The following METTL15 variants were observed in gnomAD, a reference collection of about 807,000 sequenced individuals.
METTL15 encodes the protein methyltransferase 15, mitochondrial 12S rRNA N4-cytidine.
METTL15 carries 34 observed loss-of-function variants against 38.3 expected under a neutral mutation model. The observed-to-expected ratio is 0.89, with a 90% CI of 0.68 to 1.18. The LOEUF (loss-of-function observed/expected upper bound fraction) is 1.18, where lower values mean the gene tolerates loss of function less well. Ranked by LOEUF, METTL15 falls within the 50% of genes most tolerant of loss-of-function variation. The pLI is 0.00. For synonymous variants in METTL15, 162 were observed against 170.9 expected, an observed-to-expected ratio of 0.95 and a Z score of 0.41; for missense variants, 438 against 498.4, an observed-to-expected ratio of 0.88 and a Z score of 1.15.
At chr11:28,513,496 T>C (rs887528470) in intron 6 of METTL15, among the ~76,000 whole-genome samples, 5 of 152,048 alleles carry the variant, frequency 3.3e-5, no homozygotes, top group Non-Finnish European at 5.9e-5. Context: ...CTGCATGAGG[T>C]GCCGAGACCA....
In METTL15 at chr11:28,113,486, A is replaced by C; in HGVS notation, c.152A>C (p.Gln51Pro). Residue 51 changes from glutamine (Q) to proline (P), a missense_variant, in exon 3 of 7, where the codon CAA (glutamine) becomes CCA (proline). Gln to Pro is a moderately conservative substitution (Grantham distance 76). Transcript: ENST00000407364. The part of the protein sequence containing the change: ...REYEAREQTD[Q>P]TQAQELHRSQ... ...TATGAAGCCCGGGAGCAAACAGATC[A>C]AACTCAAGCCCAGGAGTTACACAGA... 1 of 1,612,988 alleles carries C rather than the reference A, an allele frequency of 6.2e-7. No homozygotes were observed. Among genetic ancestry groups the C allele is most frequent in the Non-Finnish European group, 8.5e-7 (1 of 1,179,876 alleles).
At chr11:28,114,475 G>A (rs1310889884) in intron 3 of METTL15, among the ~76,000 whole-genome samples, 1 of 152,082 alleles carries the variant, frequency 6.6e-6, no homozygotes, top group Non-Finnish European at 1.5e-5. Flanking sequence ...TTTTGAAACA[G>A]AGTCTTGCTC....
At chr11:28,326,824 T>C (rs1317196384) in intron 6 of METTL15, among the ~76,000 whole-genome samples, 1 of 152,072 alleles carries the variant, frequency 6.6e-6, no homozygotes, top group African/African-American at 2.4e-5. Flanking sequence ...TTCACCATGT[T>C]GCCCAGGTTG....
At chr11:28,205,628 G>A (rs988539748) in intron 3 of METTL15, among the ~76,000 whole-genome samples, 1 of 151,968 alleles carries the variant, frequency 6.6e-6, no homozygotes, top group African/African-American at 2.4e-5. Context: ...ACCCAGTAAT[G>A]GGATTGCTGG....
chr11:28,531,344 T>G (rs979935419), downstream of METTL15, among the ~76,000 whole-genome samples: 2 of 152,026 alleles, frequency 1.3e-5, no homozygotes, highest in African/African-American at 2.4e-5. Context: ...ATAAAATCCT[T>G]GATAGCTCTA....
intron 3 of METTL15, among the ~76,000 whole-genome samples, chr11:28,140,118 G>A (rs895653480): frequency 2.0e-5 from 3 of 152,188 alleles, no homozygotes; most frequent in South Asian, 2.1e-4. Context: ...TGTTCCGAGC[G>A]TGTGCCTGTG....
chr11:28,335,952 C>G (rs2133349981), downstream of METTL15, among the ~76,000 whole-genome samples: 1 of 152,254 alleles, frequency 6.6e-6, no homozygotes, highest in Non-Finnish European at 1.5e-5. Context: ...TAGCACAGTT[C>G]TGGACGTATA....
At chr11:28,370,768 T>C (rs1421395310) in intron 5 of METTL15, among the ~76,000 whole-genome samples, 1 of 152,028 alleles carries the variant, frequency 6.6e-6, no homozygotes, top group East Asian at 1.9e-4. Context: ...TGAAATGAGA[T>C]GTAATTGTCA....
At chr11:28,446,690 G>A (rs1029333443) in intron 6 of METTL15, among the ~76,000 whole-genome samples, 1 of 152,030 alleles carries the variant, frequency 6.6e-6, no homozygotes, top group Non-Finnish European at 1.5e-5. Flanking sequence ...TGACTATCAA[G>A]GGGACATGTT....
At chr11:28,199,517 T>C (rs1267010736) in intron 3 of METTL15, among the ~76,000 whole-genome samples, 3 of 152,170 alleles carry the variant, frequency 2.0e-5, no homozygotes, top group Non-Finnish European at 4.4e-5. Context: ...TTAACGCTCT[T>C]AATTTTTTCT....
chr11:28,357,796 CG>C (rs780990783), intron 4 of METTL15, among the ~76,000 whole-genome samples: 16 of 152,006 alleles, frequency 1.1e-4, no homozygotes, highest in Non-Finnish European at 1.3e-4. Flanking sequence ...TCATTTCTTT[CG>C]GGATTGCCTT....
intron 3 of METTL15, among the ~76,000 whole-genome samples, chr11:28,351,812 A>C (rs983764376): frequency 4.6e-5 from 7 of 152,228 alleles, no homozygotes; most frequent in African/African-American, 7.2e-5. Flanking sequence ...TTAAAGAAAG[A>C]AAGCTCACAG....
chr11:28,273,981 G>C (rs958750297), intron 4 of METTL15, among the ~76,000 whole-genome samples: 36 of 152,072 alleles, frequency 2.4e-4, no homozygotes, highest in African/African-American at 8.7e-4. Context: ...TGCCTGGTTG[G>C]GGAGATTATT....
chr11:28,310,997 T>TGAGA (rs1224804563), intron 6 of METTL15, among the ~76,000 whole-genome samples: 1 of 145,890 alleles, frequency 6.9e-6, no homozygotes, highest in African/African-American at 2.6e-5. Context: ...TGTGTGTGTG[T>TGAGA]GTGTGTGAGA....
intron 6 of METTL15, among the ~76,000 whole-genome samples, chr11:28,506,747 T>C: frequency 7.0e-6 from 1 of 143,034 alleles, no homozygotes; most frequent in South Asian, 2.3e-4. Context: ...TTTTTTTTTT[T>C]TTTTTTTTTT....
intron 4 of METTL15, among the ~76,000 whole-genome samples, chr11:28,274,027 G>A (rs1490860870): frequency 1.3e-5 from 2 of 151,994 alleles, no homozygotes; most frequent in Non-Finnish European, 2.9e-5. Flanking sequence ...CTTTTAAAAT[G>A]AGAAATAATA....
intron 5 of METTL15, among the ~76,000 whole-genome samples, chr11:28,404,243 G>T (rs958834341): frequency 6.6e-6 from 1 of 151,908 alleles, no homozygotes. Context: ...AGTTCCGTGG[G>T]GTCCAAGGAT....
chr11:28,348,626 A>G (rs1375081410), intron 3 of METTL15, among the ~76,000 whole-genome samples: 1 of 152,058 alleles, frequency 6.6e-6, no homozygotes, highest in Non-Finnish European at 1.5e-5. Flanking sequence ...TCAGCCTCCC[A>G]AAGTGCTGAA....
chr11:28,217,523 A>G (rs1415670514), intron 4 of METTL15, among the ~76,000 whole-genome samples: 1 of 151,970 alleles, frequency 6.6e-6, no homozygotes, highest in Non-Finnish European at 1.5e-5. Context: ...GTTCACTCTG[A>G]TGGTAGTTTC....
Sources: allele counts gnomAD v4.1 joint callset (sites outside exome capture counted in the v4.1 genomes callset), GRCh38; gene constraint gnomAD v4.1.1; transcripts MANE v1.5; gene names NCBI Gene and HGNC (gene_info 2026-07-23, HGNC 2026-07-21).